Variants in TSHZ2 observed in about 807,000 individuals in gnomAD.
TSHZ2 encodes teashirt zinc finger homeobox 2.
Under a neutral mutation model 74.4 loss-of-function variants are expected in TSHZ2, and 21 were observed. The ratio of observed to expected loss-of-function variants is 0.28; its 90% CI spans 0.20 to 0.41. TSHZ2 has a LOEUF of 0.41. Ranked by LOEUF, TSHZ2 falls within the 10% of genes least tolerant of loss-of-function variation. The probability of loss-of-function intolerance (pLI) is 1.00; values close to 1 mark genes in which losing one functional copy is unlikely to be tolerated. For missense variants in TSHZ2, 1,244 were observed against 1,293.5 expected (o/e 0.96, Z 0.59); for synonymous variants, 540 against 515.3 (o/e 1.05, Z -0.65).
intron 1 of TSHZ2, among the ~76,000 whole-genome samples, chr20:53,044,100 C>T (rs948802162): frequency 6.6e-6 from 1 of 152,080 alleles, no homozygotes; most frequent in African/African-American, 2.4e-5. Flanking sequence ...GGTGAGTATC[C>T]CTTGTTTGAA....
intron 1 of TSHZ2, among the ~76,000 whole-genome samples, chr20:53,164,220 G>A (rs914135171): frequency 8.5e-5 from 13 of 152,050 alleles, no homozygotes; most frequent in Non-Finnish European, 1.9e-4. Context: ...CAAAGGGTAA[G>A]AATATTTGTA....
Position 53,494,521 on chromosome 20 carries a change from G to A in TSHZ2, c.*7386G>A, listed in dbSNP as rs1032606281. The stretch of plus-strand genomic sequence containing the variant: ...TGCCGCAGCATTGAAATTATCTGTA[G>A]AAGGGGAATTTTTTTTAAAAATACA... On this transcript the variant is annotated 3_prime_UTR_variant, in exon 3 of 3. Coordinates refer to ENST00000371497, the MANE Select transcript of TSHZ2 (RefSeq NM_173485.6). The A allele has an allele frequency of 6.6e-6, 1 of 152,094 alleles. No homozygotes were observed. Among genetic ancestry groups the A allele is most frequent in the African/African-American group, 2.4e-5 (1 of 41,408 alleles). The allele number at this position is 152,094 out of a possible 1,614,324, so 9.4% of individuals were successfully genotyped here.
At chr20:53,175,870 G>C (rs565377753) in intron 1 of TSHZ2, among the ~76,000 whole-genome samples, 10 of 152,352 alleles carry the variant, frequency 6.6e-5, no homozygotes, top group South Asian at 2.1e-4. Flanking sequence ...CATGCCAGCT[G>C]CCTGTCCAGG....
At chr20:53,250,419 C>T (rs1238400297) in intron 1 of TSHZ2, among the ~76,000 whole-genome samples, 3 of 152,204 alleles carry the variant, frequency 2.0e-5, no homozygotes, top group Non-Finnish European at 4.4e-5. Context: ...CTTGCCCCAA[C>T]TGCTGGTGGC....
At chr20:53,445,600 G>C (rs774328416) in intron 2 of TSHZ2, among the ~76,000 whole-genome samples, 4 of 152,140 alleles carry the variant, frequency 2.6e-5, no homozygotes, top group African/African-American at 9.7e-5. Context: ...ATTGGCAATG[G>C]AAAGTGGCCA....
chr20:53,461,311 G>A (rs117966878), intron 2 of TSHZ2, among the ~76,000 whole-genome samples: 3,008 of 152,284 alleles, frequency 0.02, 53 homozygotes, highest in Non-Finnish European at 0.033. Flanking sequence ...TTCCAGGTGC[G>A]TCCGTCACCC....
At chr20:53,460,381 C>T (rs1985308285) in intron 2 of TSHZ2, among the ~76,000 whole-genome samples, 2 of 152,212 alleles carry the variant, frequency 1.3e-5, no homozygotes, top group South Asian at 2.1e-4. Flanking sequence ...GTTCTCCAGC[C>T]TTGGTTTTCA....
intron 2 of TSHZ2, among the ~76,000 whole-genome samples, chr20:53,380,753 G>A (rs1169867597): frequency 6.6e-6 from 1 of 152,284 alleles, no homozygotes; most frequent in East Asian, 1.9e-4. Context: ...TTACAAGCAG[G>A]TGAACACTCT....
At chr20:53,303,042 G>C (rs750067026) in intron 2 of TSHZ2, among the ~76,000 whole-genome samples, 6 of 152,146 alleles carry the variant, frequency 3.9e-5, no homozygotes, top group Admixed American at 1.3e-4. Flanking sequence ...CCAACCACAT[G>C]TACCTTATAA....
intron 2 of TSHZ2, among the ~76,000 whole-genome samples, chr20:53,387,098 T>G (rs2145650584): frequency 6.6e-6 from 1 of 152,294 alleles, no homozygotes. Flanking sequence ...CACACCTGCC[T>G]AGACAGAGAG....
chr20:53,268,916 C>G (rs536677024), intron 2 of TSHZ2, among the ~76,000 whole-genome samples: 1 of 152,158 alleles, frequency 6.6e-6, no homozygotes, highest in Non-Finnish European at 1.5e-5. Flanking sequence ...CTGTTGGAGC[C>G]GGGGCAAGTC....
At chr20:53,208,106 G>C (rs1251909274) in intron 1 of TSHZ2, among the ~76,000 whole-genome samples, 1 of 152,148 alleles carries the variant, frequency 6.6e-6, no homozygotes, top group African/African-American at 2.4e-5. Context: ...TGGCATGACA[G>C]TTCTACCACC....
intron 2 of TSHZ2, among the ~76,000 whole-genome samples, chr20:53,320,614 C>T (rs925942739): frequency 2.0e-5 from 3 of 152,176 alleles, no homozygotes; most frequent in Non-Finnish European, 2.9e-5. Context: ...TCAGAGCCCA[C>T]GGCCAGCTCT....
chr20:53,236,928 C>A (rs762015022), intron 1 of TSHZ2, among the ~76,000 whole-genome samples: 29 of 152,268 alleles, frequency 1.9e-4, no homozygotes, highest in Admixed American at 6.5e-4. Context: ...TAATCAATTC[C>A]TCCCACAAGG....
chr20:53,023,858 C>T (rs1341604591), intron 1 of TSHZ2, among the ~76,000 whole-genome samples: 1 of 152,126 alleles, frequency 6.6e-6, no homozygotes, highest in Non-Finnish European at 1.5e-5. Context: ...CGCAGCACAC[C>T]AGTGAGCAAT....
In TSHZ2 at chr20:53,032,562, C is replaced by G. The variant is rs1381610147; in HGVS notation, c.40+59229C>G. Among the ~76,000 whole-genome samples, 3 of 152,224 alleles carry G rather than the reference C, an allele frequency of 2.0e-5. No homozygotes were observed. In the East Asian group the frequency reaches 5.8e-4, roughly 29 times the overall value. Reference sequence around the variant, plus strand: ...CTTGAGATAGGGTTTCAGAGGCCAGCGATTGTTTTGTGAGTTCTTGAATAA... The same window carrying G: ...CTTGAGATAGGGTTTCAGAGGCCAGGGATTGTTTTGTGAGTTCTTGAATAA... On this transcript the variant is annotated intron_variant, in intron 1 of 2. Transcript: ENST00000371497.
chr20:53,451,951 C>T (rs1255293230), intron 2 of TSHZ2, among the ~76,000 whole-genome samples: 2 of 152,110 alleles, frequency 1.3e-5, no homozygotes, highest in East Asian at 1.9e-4. Context: ...GAAAGCAGGT[C>T]GAATCCAAGG....
intron 1 of TSHZ2, among the ~76,000 whole-genome samples, chr20:53,016,196 G>A (rs542621365): frequency 1.9e-4 from 29 of 152,254 alleles, no homozygotes; most frequent in African/African-American, 7.0e-4. Flanking sequence ...CCTGAGGAAT[G>A]GCTCATTTTC....
intron 1 of TSHZ2, among the ~76,000 whole-genome samples, chr20:53,059,687 G>A (rs947963306): frequency 6.6e-6 from 1 of 152,174 alleles, no homozygotes; most frequent in African/African-American, 2.4e-5. Flanking sequence ...GATTTATTTT[G>A]AGGACAATGA....
Sources: gnomAD v4.1 joint callset for allele counts (sites outside exome capture counted in the v4.1 genomes callset) on GRCh38, gnomAD v4.1.1 for gene constraint, MANE v1.5 for transcripts, NCBI Gene and HGNC (gene_info 2026-07-23, HGNC 2026-07-21) for gene names.